Variants in HYAL4 observed in about 807,000 individuals in gnomAD.
The protein encoded by HYAL4 is hyaluronidase-4.
A neutral mutation model predicts 35.2 loss-of-function variants in HYAL4; 37 were observed. The ratio of observed to expected loss-of-function variants is 1.05; its 90% CI spans 0.81 to 1.38. The LOEUF (loss-of-function observed/expected upper bound fraction) is 1.38, where lower values mean the gene tolerates loss of function less well. HYAL4 is among the 40% of genes most tolerant of loss of function. The pLI is 0.00. For missense variants in HYAL4, 572 were observed against 572.4 expected (o/e 1.00, Z 0.01); for synonymous variants, 198 against 203.2 (o/e 0.97, Z 0.22).
At chr7:123,783,814 C>G in the HYAL4 span, among the ~76,000 whole-genome samples, 35 of 152,116 alleles carry the variant, frequency 2.3e-4, no homozygotes, top group African/African-American at 8.2e-4. Context: ...TGGTGAGTAC[C>G]CTTCAATATT....
At chr7:123,787,071 C>T in the HYAL4 span, among the ~76,000 whole-genome samples, 1 of 136,862 alleles carries the variant, frequency 7.3e-6, no homozygotes, top group African/African-American at 2.9e-5. Context: ...TGCACCATTG[C>T]ACTCCAGCCT....
At chr7:123,812,142 T>A in the HYAL4 span, among the ~76,000 whole-genome samples, 25 of 152,130 alleles carry the variant, frequency 1.6e-4, no homozygotes, top group Non-Finnish European at 3.7e-4. Flanking sequence ...GTCTGGCTGG[T>A]ATCTATACCT....
chr7:123,815,857 A>G, the HYAL4 span, among the ~76,000 whole-genome samples: 2 of 152,106 alleles, frequency 1.3e-5, no homozygotes, highest in African/African-American at 4.8e-5. Context: ...CACTTAGACC[A>G]CTTAGGTTTG....
chr7:123,864,923 T>C (rs1806651730), intron 2 of HYAL4, among the ~76,000 whole-genome samples: 1 of 151,612 alleles, frequency 6.6e-6, no homozygotes, highest in Non-Finnish European at 1.5e-5. Context: ...ACTTATTTAT[T>C]TTGTCTTTTT....
At position 123,869,240 on chromosome 7, in the gene HYAL4, T is replaced by G; in HGVS notation, c.954+13T>G. 2 of 1,512,518 alleles carry G rather than the reference T, an allele frequency of 1.3e-6. No homozygotes were observed. The highest frequency in any genetic ancestry group is 1.8e-6 in the Non-Finnish European group (2 of 1,109,420). The allele number at this position is 1,512,518 out of a possible 1,614,324, so 93.7% of individuals were successfully genotyped here. On this transcript the variant is annotated intron_variant, in intron 3 of 4. Transcript: ENST00000223026. Reference sequence around the variant, plus strand: ...TTTCCTTTCTAAGGTAAGAAGCTTCTTGTCCAATGGTGGGGGATTTCCTCC... The same window carrying G: ...TTTCCTTTCTAAGGTAAGAAGCTTCGTGTCCAATGGTGGGGGATTTCCTCC...
chr7:123,782,117 C>T, the HYAL4 span, among the ~76,000 whole-genome samples: 2 of 152,180 alleles, frequency 1.3e-5, no homozygotes, highest in East Asian at 1.9e-4. Context: ...TGAGATACTG[C>T]TGCCTTTCCA....
the HYAL4 span, among the ~76,000 whole-genome samples, chr7:123,775,886 A>C: frequency 6.6e-6 from 1 of 152,198 alleles, no homozygotes; most frequent in Non-Finnish European, 1.5e-5. Flanking sequence ...ACCTGCAGCT[A>C]TCTGGAAATA....
At chr7:123,814,839 A>G in the HYAL4 span, 1 of 122,846 alleles carries the variant, frequency 8.1e-6, no homozygotes, top group African/African-American at 3.0e-5. Flanking sequence ...GGCTGTGGGA[A>G]AAAAGCGCAG....
At chr7:123,859,295 C>T (rs1295730564) in intron 2 of HYAL4, among the ~76,000 whole-genome samples, 1 of 152,146 alleles carries the variant, frequency 6.6e-6, no homozygotes, top group Non-Finnish European at 1.5e-5. Context: ...GCCTTGTTTA[C>T]AATCAGAGAA....
the HYAL4 span, among the ~76,000 whole-genome samples, chr7:123,791,374 A>G: frequency 6.6e-6 from 1 of 152,222 alleles, no homozygotes; most frequent in East Asian, 1.9e-4. Flanking sequence ...AAAATGATTT[A>G]TTGTCTGTGT....
At chr7:123,790,842 G>C in the HYAL4 span, 2 of 151,712 alleles carry the variant, frequency 1.3e-5, no homozygotes, top group Non-Finnish European at 2.9e-5. Context: ...TTGGCTCACT[G>C]CAACCGCTGC....
chr7:123,857,697 C>G (rs149431357), intron 2 of HYAL4, among the ~76,000 whole-genome samples: 4,376 of 123,670 alleles, frequency 0.035, 95 homozygotes, highest in Non-Finnish European at 0.058. Flanking sequence ...TTCTTTCTTT[C>G]TTTCTTTCTT....
At chr7:123,850,155 T>C (rs1419194681) in intron 2 of HYAL4, among the ~76,000 whole-genome samples, 2 of 152,208 alleles carry the variant, frequency 1.3e-5, no homozygotes, top group Non-Finnish European at 2.9e-5. Flanking sequence ...GAAAGCTTAG[T>C]CACACGATTT....
At chr7:123,817,254 G>T in the HYAL4 span, among the ~76,000 whole-genome samples, 1 of 152,182 alleles carries the variant, frequency 6.6e-6, no homozygotes, top group African/African-American at 2.4e-5. Flanking sequence ...TTATCTTTAT[G>T]AACTGTAATC....
At chr7:123,864,547 T>C (rs1294372028) in intron 2 of HYAL4, among the ~76,000 whole-genome samples, 1 of 152,068 alleles carries the variant, frequency 6.6e-6, no homozygotes, top group Non-Finnish European at 1.5e-5. Flanking sequence ...GCTGGTGATA[T>C]GGTTAACTGT....
chr7:123,803,635 T>C, the HYAL4 span, among the ~76,000 whole-genome samples: 1 of 152,214 alleles, frequency 6.6e-6, no homozygotes, highest in Non-Finnish European at 1.5e-5. Flanking sequence ...TCATCTCTGT[T>C]CTGTAGATAT....
At chr7:123,778,375 A>T in the HYAL4 span, among the ~76,000 whole-genome samples, 1 of 152,176 alleles carries the variant, frequency 6.6e-6, no homozygotes, top group African/African-American at 2.4e-5. Flanking sequence ...TACAATACAT[A>T]TCTAAATTTT....
chr7:123,804,493 T>A, the HYAL4 span, among the ~76,000 whole-genome samples: 1 of 152,210 alleles, frequency 6.6e-6, no homozygotes, highest in Non-Finnish European at 1.5e-5. Context: ...GTCTATCTTT[T>A]TCTGTATTTT....
At chr7:123,865,855 A>G (rs1050669795) in intron 2 of HYAL4, among the ~76,000 whole-genome samples, 1 of 152,196 alleles carries the variant, frequency 6.6e-6, no homozygotes, top group African/African-American at 2.4e-5. Flanking sequence ...AAGAGAGTTA[A>G]TGGACTCACA....
Sources: gnomAD v4.1 joint callset for allele counts (sites outside exome capture counted in the v4.1 genomes callset) on GRCh38, gnomAD v4.1.1 for gene constraint, MANE v1.5 for transcripts, NCBI Gene and HGNC (gene_info 2026-07-23, HGNC 2026-07-21) for gene names.